The following ZNF664 variants were observed in gnomAD, a reference collection of about 807,000 sequenced individuals.
ZNF664 encodes zinc finger protein 664.
A neutral mutation model predicts 18.2 loss-of-function variants in ZNF664; 10 were observed. That is an observed-to-expected ratio of 0.55 (90% CI 0.34 to 0.93). The LOEUF is 0.93. Ranked by LOEUF, ZNF664 falls within the 40% of genes least tolerant of loss-of-function variation. The pLI is 0.02. For synonymous variants in ZNF664, 119 were observed against 104.2 expected (o/e 1.14, Z -0.86); for missense variants, 193 against 319.0 (o/e 0.61, Z 3.01).
At chr12:123,997,847 T>C (rs1956967986) in intron 3 of ZNF664, 1 of 152,278 alleles carries the variant, frequency 6.6e-6, no homozygotes, top group Non-Finnish European at 1.5e-5. Flanking sequence ...CAGCACTTGG[T>C]ACTGCAATTA....
intron 2 of ZNF664, among the ~76,000 whole-genome samples, chr12:123,985,371 G>A (rs1182177698): frequency 6.6e-6 from 1 of 152,154 alleles, no homozygotes; most frequent in African/African-American, 2.4e-5. Flanking sequence ...AAATGTCTAG[G>A]TCTATTCATG....
chr12:123,984,789 CTG>C (rs1228708206), intron 2 of ZNF664, among the ~76,000 whole-genome samples: 1 of 151,954 alleles, frequency 6.6e-6, no homozygotes, highest in East Asian at 1.9e-4. Context: ...GAAGAAAAGA[CTG>C]TGTTAAGAAA....
At chr12:123,987,186 A>G (rs924842511) in intron 2 of ZNF664, among the ~76,000 whole-genome samples, 2 of 152,206 alleles carry the variant, frequency 1.3e-5, no homozygotes, top group African/African-American at 2.4e-5. Context: ...GCATACTGTA[A>G]TCCAGCACTG....
rs1373115142 is a variant in ZNF664, at chr12:124,012,925, A to G, written c.781A>G (p.Ile261Val). ...KERNHLKISV[I>V] is the part of the protein sequence containing the mutation. ...GAGAAACCATCTCAAAATATCAGTTATATAAAACGTTTTGCTAAGAGTTTA... is the reference window on the plus strand; with the variant it reads ...GAGAAACCATCTCAAAATATCAGTTGTATAAAACGTTTTGCTAAGAGTTTA... The change falls in exon 5 of 5, where the codon ATA (isoleucine) becomes GTA (valine). Residue 261 changes from isoleucine to valine, a missense_variant. Physicochemically the swap from Ile to Val is conservative, Grantham distance 29. Transcript: ENST00000337815. 6.2e-7 allele frequency: 1 copy of G among 1,612,200 alleles called. No homozygotes were observed. The highest frequency in any genetic ancestry group is 8.5e-7 in the Non-Finnish European group (1 of 1,179,492).
chr12:124,014,052 C>T lies in ZNF664; in HGVS notation c.*1122C>T, dbSNP rs1957163906. On this transcript the variant is annotated 3_prime_UTR_variant, in exon 5 of 5. Coordinates refer to ENST00000337815, the MANE Select transcript of ZNF664 (RefSeq NM_152437.3). ...ACCACTGATGAGACAGACAAGGTCC[C>T]TACTCTTGTGGAGTTTACTTCTGGT... is the stretch of plus-strand genomic sequence containing the variant. 1 of 167,028 alleles carries T rather than the reference C, an allele frequency of 6.0e-6. No individual in the cohort carries two copies. Among genetic ancestry groups the T allele is most frequent in the African/African-American group, 2.4e-5 (1 of 41,412 alleles). 10.3% of individuals were successfully genotyped at this position (167,028 alleles called of 1,614,324 possible).
intron 3 of ZNF664, among the ~76,000 whole-genome samples, chr12:123,997,029 G>GCAAAAAACCA: frequency 6.6e-6 from 1 of 152,242 alleles, no homozygotes; most frequent in East Asian, 1.9e-4. Context: ...GGAGACAGAA[G>GCAAAAAACCA]CAAAGAATAA....
chr12:124,012,628 CAA>C lies in ZNF664; in HGVS notation c.486_487del (p.Arg163SerfsTer9). 4 of 1,614,124 alleles carry C rather than the reference CAA, an allele frequency of 2.5e-6. No individual in the cohort carries two copies. Among genetic ancestry groups the C allele is most frequent in the South Asian group, 1.1e-5 (1 of 91,082 alleles). On this transcript the variant is annotated frameshift_variant, in exon 5 of 5. Transcript: ENST00000337815. LOFTEE classifies it high-confidence loss of function. The part of the protein sequence containing the change: ...FRHTSSLCMH[Q>X]RVHTGEKPYK... ...GCACACCTCCAGCCTCTGCATGCAT[CAA>C]AGAGTCCACACAGGAGAGAAACCCT...
intron 2 of ZNF664, among the ~76,000 whole-genome samples, chr12:123,986,332 G>A (rs915360859): frequency 6.6e-6 from 1 of 152,208 alleles, no homozygotes; most frequent in Non-Finnish European, 1.5e-5. Context: ...GCTGTCCAGA[G>A]ACAAGCCACA....
In ZNF664 at chr12:124,013,843, A is replaced by C. The variant is rs1372211630; in HGVS notation, c.*913A>C. ...TGGTAGGAGGAGTCACTAATGTTTC[A>C]ATCTCTATTTCTGTAATCTTGGGCA... is the stretch of plus-strand genomic sequence containing the variant. On this transcript the variant is annotated 3_prime_UTR_variant, in exon 5 of 5. Coordinates refer to ENST00000337815, the MANE Select transcript of ZNF664 (RefSeq NM_152437.3). 1 of 167,126 alleles carries C rather than the reference A, an allele frequency of 6.0e-6. No homozygotes were observed. The highest frequency in any genetic ancestry group is 1.9e-4 in the East Asian group (1 of 5,202). 10.4% of individuals were successfully genotyped at this position (167,126 alleles called of 1,614,324 possible). A position where few individuals can be genotyped will look rare whatever the true frequency, so the allele number is the denominator to read the frequency against.
intron 3 of ZNF664, among the ~76,000 whole-genome samples, chr12:123,996,495 G>A (rs1369995534): frequency 1.3e-5 from 2 of 152,174 alleles, no homozygotes; most frequent in Non-Finnish European, 2.9e-5. Flanking sequence ...CTCAAATTTA[G>A]CTGTGTCTGT....
chr12:124,013,472 A>G lies in ZNF664; in HGVS notation c.*542A>G, dbSNP rs1957157029. 2 of 170,416 alleles carry G rather than the reference A, an allele frequency of 1.2e-5. No homozygotes were observed. The highest frequency in any genetic ancestry group is 6.2e-5 in the Admixed American group (1 of 16,078). 10.6% of individuals were successfully genotyped at this position (170,416 alleles called of 1,614,324 possible). A position where few individuals can be genotyped will look rare whatever the true frequency, so the allele number is the denominator to read the frequency against. On this transcript the variant is annotated 3_prime_UTR_variant, in exon 5 of 5. Transcript: ENST00000337815. Reference sequence around the variant, plus strand: ...CTGAATATATGTCCTCAAAATCCCCATAAATATCCATCCCTTCCTAGATGG... The same window carrying G: ...CTGAATATATGTCCTCAAAATCCCCGTAAATATCCATCCCTTCCTAGATGG...
intron 3 of ZNF664, among the ~76,000 whole-genome samples, chr12:124,009,856 G>A (rs1049598098): frequency 1.2e-4 from 18 of 151,086 alleles, no homozygotes; most frequent in East Asian, 9.6e-4. Flanking sequence ...TTGCAGAAAC[G>A]GTAGCATAGA....
intron 2 of ZNF664, among the ~76,000 whole-genome samples, chr12:123,979,931 G>A (rs1426011335): frequency 1.3e-5 from 2 of 152,096 alleles, no homozygotes; most frequent in East Asian, 1.9e-4. Flanking sequence ...TGATCCTCCC[G>A]CCTTGGCCTC....
At chr12:123,985,976 G>T (rs750529787) in intron 2 of ZNF664, among the ~76,000 whole-genome samples, 6 of 151,872 alleles carry the variant, frequency 4.0e-5, no homozygotes, top group Non-Finnish European at 7.4e-5. Flanking sequence ...ATCCAGTAAT[G>T]TTTTTTTTCA....
intron 3 of ZNF664, among the ~76,000 whole-genome samples, chr12:124,003,022 C>G (rs1957031209): frequency 6.6e-6 from 1 of 152,126 alleles, no homozygotes; most frequent in Non-Finnish European, 1.5e-5. Flanking sequence ...GCAGGTGTTT[C>G]CAGCCCTGTC....
At chr12:123,999,997 G>A (rs1956992934) in intron 3 of ZNF664, among the ~76,000 whole-genome samples, 3 of 152,226 alleles carry the variant, frequency 2.0e-5, no homozygotes, top group Admixed American at 2.0e-4. Context: ...GCATGTGAAG[G>A]TAGAGATTTG....
Position 124,012,548 on chromosome 12 carries a change from G to C in ZNF664, c.404G>C (p.Arg135Thr). 1.2e-6 allele frequency: 2 copies of C among 1,614,094 alleles called. No homozygotes were observed. The highest frequency in any genetic ancestry group is 8.5e-7 in the Non-Finnish European group (1 of 1,179,982). The change falls in exon 5 of 5, where the codon AGA becomes ACA. Residue 135 changes from arginine (R) to threonine (T), a missense_variant. Coordinates refer to ENST00000337815, the MANE Select transcript of ZNF664 (RefSeq NM_152437.3). ...SNSSNLCMHQ[R>T]VHTGEKPFKC... Reference sequence around the variant, plus strand: ...AGTTCAAACCTTTGCATGCATCAGAGAGTCCACACCGGAGAGAAGCCCTTT... The same window carrying C: ...AGTTCAAACCTTTGCATGCATCAGACAGTCCACACCGGAGAGAAGCCCTTT...
At chr12:124,005,483 ATGTGTGTGTG>A (rs202223166) in intron 3 of ZNF664, among the ~76,000 whole-genome samples, 1,468 of 142,918 alleles carry the variant, frequency 0.01, 21 homozygotes, top group Non-Finnish European at 0.011. Flanking sequence ...AATTTATAGA[ATGTGTGTGTG>A]TGTGTGTGTG....
At chr12:123,979,578 A>G (rs577005349) in intron 2 of ZNF664, among the ~76,000 whole-genome samples, 37 of 152,350 alleles carry the variant, frequency 2.4e-4, no homozygotes, top group African/African-American at 8.7e-4. Flanking sequence ...AACAATGTCT[A>G]TTGCAGCGTC....
Sources: allele counts gnomAD v4.1 joint callset (sites outside exome capture counted in the v4.1 genomes callset), GRCh38; gene constraint gnomAD v4.1.1; transcripts MANE v1.5; gene names NCBI Gene and HGNC (gene_info 2026-07-23, HGNC 2026-07-21).